PDE9A: variants seen among roughly 807,000 people sequenced by gnomAD.
PDE9A encodes the protein phosphodiesterase 9A.
Under a neutral mutation model 87.4 loss-of-function variants are expected in PDE9A, and 60 were observed. The ratio of observed to expected loss-of-function variants is 0.69; its 90% CI spans 0.56 to 0.85. The LOEUF (loss-of-function observed/expected upper bound fraction) is 0.85, where lower values mean the gene tolerates loss of function less well. PDE9A is among the 40% of genes least tolerant of loss of function. The pLI is 0.00. For missense variants in PDE9A, 665 were observed against 779.0 expected (o/e 0.85, Z 1.74); for synonymous variants, 272 against 279.4 (o/e 0.97, Z 0.27).
intron 9 of PDE9A, 115 bp from the exon 10 acceptor site, chr21:42,753,875 A>AAG (rs1020983029): frequency 1.8e-5 from 11 of 595,144 alleles, no homozygotes; most frequent in Non-Finnish European, 2.3e-5. Context: ...AAAAAAAAAA[A>AAG]AAAGAAAGAA....
chr21:42,655,330 G>T (rs745490087), intron 1 of PDE9A, among the ~76,000 whole-genome samples: 1 of 152,200 alleles, frequency 6.6e-6, no homozygotes, highest in East Asian at 1.9e-4. Context: ...TAGCAGGTCC[G>T]TCCTAAGAAC....
rs564392407 is a variant in PDE9A at position 42,750,305 on chromosome 21, A to T, written c.654-811A>T. Among the ~76,000 whole-genome samples, 149 of 152,352 alleles carry T rather than the reference A, an allele frequency of 9.8e-4. 2 individuals carry two copies. Among genetic ancestry groups the T allele is most frequent in the Middle Eastern group, 3.4e-3 (1 of 294 alleles). ...GCAAGACCCTATCTCTACAAAAAAT[A>T]AAAATTAAAATATTGTTAAAAGGTA... On this transcript the variant is annotated intron_variant, in intron 8 of 19. Coordinates refer to ENST00000291539, the MANE Select transcript of PDE9A (RefSeq NM_002606.3).
intron 8 of PDE9A, 29 bp downstream of exon 8, chr21:42,743,889 C>G (rs1195485572): frequency 2.1e-6 from 3 of 1,418,080 alleles, no homozygotes; most frequent in Non-Finnish European, 2.9e-6. Flanking sequence ...CCACGGGCGG[C>G]CGGGCCTGGG....
intron 4 of PDE9A, among the ~76,000 whole-genome samples, chr21:42,711,265 T>G (rs1320721865): frequency 6.6e-6 from 1 of 151,784 alleles, no homozygotes; most frequent in Non-Finnish European, 1.5e-5. Context: ...TTTGTTTTTT[T>G]TTTTTTTTGA....
At chr21:42,672,497 C>T (rs752104957) in intron 1 of PDE9A, among the ~76,000 whole-genome samples, 16 of 152,214 alleles carry the variant, frequency 1.1e-4, no homozygotes, top group Admixed American at 9.2e-4. Context: ...AACCACAGAA[C>T]GCAGAATTTG....
chr21:42,679,383 G>A (rs1429190983), intron 1 of PDE9A, among the ~76,000 whole-genome samples: 1 of 152,082 alleles, frequency 6.6e-6, no homozygotes, highest in Non-Finnish European at 1.5e-5. Context: ...GCGTTCAGCG[G>A]CTGGAGTCCT....
chr21:42,692,891 G>A lies in PDE9A; in HGVS notation c.218+4897G>A, dbSNP rs1043984416. On this transcript the variant is annotated intron_variant, in intron 3 of 19. Transcript: ENST00000291539. The surrounding 1 kb of genome is among the most constrained non-coding windows in gnomAD (Gnocchi z 4.3). ...CTCGCACTCTTCCTGCACCGGAGCC[G>A]CGGTGCGAGGCCTCGGGAATGCTCA... Among the ~76,000 whole-genome samples the A allele has an allele frequency of 2.6e-5, 4 of 152,200 alleles. No homozygotes were observed. The highest frequency in any genetic ancestry group is 1.9e-4 in the East Asian group (1 of 5,188).
chr21:42,772,294 C>A, intron 18 of PDE9A, 145 bp from the exon 19 acceptor site: 1 of 614,048 alleles, frequency 1.6e-6, no homozygotes, highest in South Asian at 1.8e-5. Flanking sequence ...AAGCCCATGT[C>A]AGGAGTGCTT....
intron 3 of PDE9A, 42 bp from the exon 4 acceptor site, chr21:42,698,926 G>A (rs374558328): frequency 2.6e-5 from 39 of 1,484,372 alleles, no homozygotes; most frequent in African/African-American, 1.9e-4. Context: ...TACAGCGAGC[G>A]CCTTGCAGAG....
At position 42,692,507 on chromosome 21, in the gene PDE9A, C is replaced by G. The variant is rs561202649; in HGVS notation, c.218+4513C>G. Reference sequence around the variant, plus strand: ...CCCCCAATCTTCCAACCTAGTAGTTCTCAGACAACTGCGTCAGAATCCGCA... The same window carrying G: ...CCCCCAATCTTCCAACCTAGTAGTTGTCAGACAACTGCGTCAGAATCCGCA... On this transcript the variant is annotated intron_variant, in intron 3 of 19. Transcript: ENST00000291539. The surrounding 1 kb of genome is among the most constrained non-coding windows in gnomAD (Gnocchi z 4.3). Among the ~76,000 whole-genome samples, 96 of 152,286 alleles carry G rather than the reference C, an allele frequency of 6.3e-4. No homozygotes were observed. Among genetic ancestry groups the G allele is most frequent in the Middle Eastern group, 3.4e-3 (1 of 294 alleles).
chr21:42,770,787 G>C lies in PDE9A; in HGVS notation c.1675G>C (p.Ala559Pro). ...RYEELKRIDD[A>P]MKELQKKTDS... is the part of the protein sequence containing the mutation. Reference sequence around the variant, plus strand: ...CGAGGAGCTGAAGCGGATAGATGACGCCATGAAAGAGGTAAAACACACTGA... The same window carrying C: ...CGAGGAGCTGAAGCGGATAGATGACCCCATGAAAGAGGTAAAACACACTGA... The change falls in exon 18 of 20, where the codon GCC becomes CCC. Residue 559 changes from alanine to proline, a missense_variant. Physicochemically the swap from Ala to Pro is conservative, Grantham distance 27 (BLOSUM62 -1). Transcript: ENST00000291539. 6.2e-7 allele frequency: 1 copy of C among 1,613,428 alleles called. No individual in the cohort carries two copies. Among genetic ancestry groups the C allele is most frequent in the South Asian group, 1.1e-5 (1 of 91,054 alleles).
chr21:42,678,848 G>T (rs8131125), intron 1 of PDE9A, among the ~76,000 whole-genome samples: 30,736 of 152,146 alleles, frequency 0.2, 4,327 homozygotes, highest in African/African-American at 0.4. Context: ...ACAGATCAGG[G>T]TGCACAGACA....
At chr21:42,698,780 A>T (rs1440006327) in intron 3 of PDE9A, 188 bp from the exon 4 acceptor site, 17 of 460,874 alleles carry the variant, frequency 3.7e-5, no homozygotes, top group Non-Finnish European at 3.8e-5. Context: ...CATTTAAATG[A>T]TATACTTGAA....
At chr21:42,761,892 G>A (rs1328584125) in intron 13 of PDE9A, among the ~76,000 whole-genome samples, 191 bp from the exon 14 acceptor site, 4 of 152,026 alleles carry the variant, frequency 2.6e-5, no homozygotes, top group East Asian at 1.9e-4. Context: ...GCATGGGGAC[G>A]TGCAGTTGCA....
At position 42,723,851 on chromosome 21, in the gene PDE9A, G is replaced by A. The variant is rs1444547090; in HGVS notation, c.263-7919G>A. Among the ~76,000 whole-genome samples the A allele has an allele frequency of 6.6e-6, 1 of 152,160 alleles. No individual in the cohort carries two copies. Among genetic ancestry groups the A allele is most frequent in the Non-Finnish European group, 1.5e-5 (1 of 68,028 alleles). Reference sequence around the variant, plus strand: ...CCCCTGTGAATTACCAGCATCCCAGGCCATTGCTGGGTTTTCTTAAAACTA... The same window carrying A: ...CCCCTGTGAATTACCAGCATCCCAGACCATTGCTGGGTTTTCTTAAAACTA... On this transcript the variant is annotated intron_variant, in intron 4 of 19. Transcript: ENST00000291539. This position sits in a 1 kb window ranked among gnomAD's most constrained non-coding sequence, Gnocchi z 4.3.
intron 4 of PDE9A, among the ~76,000 whole-genome samples, chr21:42,700,452 A>T (rs1240593527): frequency 6.6e-6 from 1 of 152,156 alleles, no homozygotes; most frequent in Non-Finnish European, 1.5e-5. Context: ...CTAAGAGTGG[A>T]TATAAGAGTC....
chr21:42,743,908 C>T, intron 8 of PDE9A, 48 bp downstream of exon 8: 1 of 1,094,938 alleles, frequency 9.1e-7, no homozygotes, highest in Non-Finnish European at 1.4e-6. Context: ...GGGAGGGCTC[C>T]CCGTACCAGT....
At position 42,660,565 on chromosome 21, in the gene PDE9A, A is replaced by G. The variant is rs1449497467; in HGVS notation, c.69+6682A>G. 1.3e-5 allele frequency among the ~76,000 whole-genome samples: 2 copies of G among 151,602 alleles called. No homozygotes were observed. Among genetic ancestry groups the G allele is most frequent in the Non-Finnish European group, 2.9e-5 (2 of 67,912 alleles). ...ACAGTGCACCAGAATCTCAGAAATCACCACTAAAGAACTTACCCATGTAAC... is the reference window on the plus strand; with the variant it reads ...ACAGTGCACCAGAATCTCAGAAATCGCCACTAAAGAACTTACCCATGTAAC... On this transcript the variant is annotated intron_variant, in intron 1 of 19. Transcript: ENST00000291539. The surrounding 1 kb of genome is among the most constrained non-coding windows in gnomAD (Gnocchi z 4.7).
At chr21:42,668,287 G>A (rs1211868905) in intron 1 of PDE9A, among the ~76,000 whole-genome samples, 1 of 152,140 alleles carries the variant, frequency 6.6e-6, no homozygotes, top group Non-Finnish European at 1.5e-5. Context: ...AGATTCCAGG[G>A]AAGGGTTGCA....
Sources: allele counts gnomAD v4.1 joint callset (sites outside exome capture counted in the v4.1 genomes callset), GRCh38; gene constraint gnomAD v4.1.1; non-coding constraint Gnocchi (gnomAD v3.1); transcripts MANE v1.5; gene names NCBI Gene and HGNC (gene_info 2026-07-23, HGNC 2026-07-21).